Variants in NIPBL observed in about 807,000 individuals in gnomAD.
NIPBL encodes NIPBL cohesin loading factor.
NIPBL carries 19 observed loss-of-function variants against 321.8 expected under a neutral mutation model. That is an observed-to-expected ratio of 0.06 (90% CI 0.04 to 0.09). The LOEUF is 0.09. NIPBL is among the 10% of genes least tolerant of loss of function. NIPBL has a pLI of 1.00. For missense variants in NIPBL, 2,210 were observed against 3,327.0 expected (o/e 0.66, Z 8.26); for synonymous variants, 1,106 against 1,114.1 (o/e 0.99, Z 0.14).
At chr5:36,976,710 T>A (rs1183624510) in intron 9 of NIPBL, among the ~76,000 whole-genome samples, 1 of 152,150 alleles carries the variant, frequency 6.6e-6, no homozygotes, top group Non-Finnish European at 1.5e-5. Flanking sequence ...ATAACATGTA[T>A]ATTTCACAAG....
intron 1 of NIPBL, among the ~76,000 whole-genome samples, chr5:36,934,970 C>T (rs1273582765): frequency 6.6e-6 from 1 of 152,072 alleles, no homozygotes; most frequent in Non-Finnish European, 1.5e-5. Context: ...TTGAATGTTG[C>T]AATACTGTTT....
At chr5:37,022,439 A>T in intron 29 of NIPBL, 49 bp downstream of exon 29, 1 of 1,526,186 alleles carries the variant, frequency 6.6e-7, no homozygotes, top group South Asian at 1.2e-5. Context: ...TTTGCCTTTC[A>T]AGCATCATGT....
intron 1 of NIPBL, among the ~76,000 whole-genome samples, chr5:36,901,482 G>C (rs1017183674): frequency 1.4e-5 from 2 of 144,058 alleles, no homozygotes; most frequent in Non-Finnish European, 3.0e-5. Context: ...TTGCTGGGTT[G>C]CATGGTCCTT....
At chr5:37,012,571 A>G (rs1440787312) in intron 21 of NIPBL, among the ~76,000 whole-genome samples, 4 of 151,784 alleles carry the variant, frequency 2.6e-5, no homozygotes, top group Admixed American at 6.6e-5. Context: ...CAAGTGAACA[A>G]AGGTCTCTGG....
chr5:36,891,072 T>C (rs1746295084), intron 1 of NIPBL, among the ~76,000 whole-genome samples: 1 of 152,226 alleles, frequency 6.6e-6, no homozygotes, highest in East Asian at 1.9e-4. Context: ...GAGACCATCC[T>C]AGCTAACACA....
chr5:37,020,858 T>C lies in NIPBL; in HGVS notation c.5309T>C (p.Phe1770Ser). 1 of 1,612,616 alleles carries C rather than the reference T, an allele frequency of 6.2e-7. No individual in the cohort carries two copies. Among genetic ancestry groups the C allele is most frequent in the Non-Finnish European group, 8.5e-7 (1 of 1,178,584 alleles). Residue 1770 changes from phenylalanine (F) to serine (S), a missense_variant, in exon 27 of 47, where the codon TTT becomes TCT. Around this residue, in one of 14 missense-constraint regions of NIPBL, gnomAD observed 138 missense variants for 175.8 expected, o/e 0.79. Transcript: ENST00000282516. ...TCCATGAGGCCGTTTGCCCAGAGCT[T>C]TGATATTTATTTGACACAGGTAAAC... Reference protein sequence around the residue: ...LASMRPFAQSFDIYLTQILRV... With the variant: ...LASMRPFAQSSDIYLTQILRV...
At chr5:36,943,913 A>G (rs898781211) in intron 1 of NIPBL, among the ~76,000 whole-genome samples, 2 of 152,146 alleles carry the variant, frequency 1.3e-5, no homozygotes, top group Admixed American at 6.5e-5. Context: ...AGGCTTGCCC[A>G]CTGAATCTAG....
intron 1 of NIPBL, 78 bp from the exon 2 acceptor site, chr5:36,953,540 T>A (rs1561072253): frequency 4.5e-6 from 3 of 673,168 alleles, no homozygotes; most frequent in Non-Finnish European, 2.6e-6. Flanking sequence ...AACTTTTTTT[T>A]ATAGTGATTA....
intron 33 of NIPBL, 48 bp from the exon 34 acceptor site, chr5:37,038,554 A>G (rs780464254): frequency 6.4e-7 from 1 of 1,571,366 alleles, no homozygotes. Flanking sequence ...TATAGTTTCC[A>G]CTACCTTGTC....
At chr5:37,024,413 A>G (rs796384478) in intron 29 of NIPBL, among the ~76,000 whole-genome samples, 172 bp from the exon 30 acceptor site, 2 of 151,672 alleles carry the variant, frequency 1.3e-5, no homozygotes, top group African/African-American at 4.8e-5. Flanking sequence ...TAAAGACAAC[A>G]TAAAAAAATA....
At chr5:37,002,581 T>G in intron 14 of NIPBL, 81 bp from the exon 15 acceptor site, 1 of 964,352 alleles carries the variant, frequency 1.0e-6, no homozygotes, top group Non-Finnish European at 1.7e-6. Flanking sequence ...TCTAAAAATT[T>G]TATTAGAAAG....
At chr5:37,052,223 C>T in intron 41 of NIPBL, 143 bp from the exon 42 acceptor site, 2 of 702,250 alleles carry the variant, frequency 2.8e-6, no homozygotes, top group South Asian at 3.6e-5. Context: ...TCTAATGTTC[C>T]TTCTAGCACT....
At chr5:36,928,407 T>C (rs548299243) in intron 1 of NIPBL, among the ~76,000 whole-genome samples, 1 of 152,290 alleles carries the variant, frequency 6.6e-6, no homozygotes, top group Non-Finnish European at 1.5e-5. Context: ...TCCCAGAAAT[T>C]GTTAGTACTG....
At chr5:37,042,406 G>A (rs149268923) in intron 34 of NIPBL, among the ~76,000 whole-genome samples, 2 of 152,102 alleles carry the variant, frequency 1.3e-5, no homozygotes, top group African/African-American at 4.8e-5. Flanking sequence ...CTGCACTTCC[G>A]CCTGGGTGAC....
intron 6 of NIPBL, 53 bp from the exon 7 acceptor site, chr5:36,970,823 C>T (rs1387766301): frequency 4.8e-6 from 7 of 1,451,084 alleles, no homozygotes; most frequent in Middle Eastern, 1.8e-4. Flanking sequence ...TACTATTCTC[C>T]AAGAATGTTA....
chr5:37,036,442 G>A lies in NIPBL; in HGVS notation c.5926G>A (p.Asp1976Asn). Reference protein sequence around the residue: ...PVKKACTQLVDNLVEHILKYE... With the variant: ...PVKKACTQLVNNLVEHILKYE... The stretch of plus-strand genomic sequence containing the variant: ...GAAGAAAGCTTGTACTCAACTTGTT[G>A]ATAACCTAGTTGAGCACATTCTTAA... Residue 1976 changes from aspartate (D) to asparagine (N), a missense_variant, in exon 33 of 47, where the codon GAT becomes AAT. Physicochemically the swap from Asp to Asn is conservative, Grantham distance 23 (BLOSUM62 1). Transcript: ENST00000282516. 1 of 1,469,216 alleles carries A rather than the reference G, an allele frequency of 6.8e-7. No homozygotes were observed. The highest frequency in any genetic ancestry group is 9.1e-7 in the Non-Finnish European group (1 of 1,102,498). 91.0% of individuals were successfully genotyped at this position (1,469,216 alleles called of 1,614,324 possible). A position where few individuals can be genotyped will look rare whatever the true frequency, so the allele number is the denominator to read the frequency against.
intron 1 of NIPBL, among the ~76,000 whole-genome samples, chr5:36,903,885 T>A (rs979907013): frequency 5.3e-5 from 8 of 152,118 alleles, no homozygotes; most frequent in Non-Finnish European, 1.2e-4. Context: ...AAGAACCTAA[T>A]CAGTGAAAGA....
Position 37,065,347 on chromosome 5 carries a change from A to C in NIPBL, c.*455A>C, listed in dbSNP as rs555727011. 1 of 181,050 alleles carries C rather than the reference A, an allele frequency of 5.5e-6. No homozygotes were observed. The highest frequency in any genetic ancestry group is 1.2e-5 in the Non-Finnish European group (1 of 85,988). The allele number at this position is 181,050 out of a possible 1,614,324, so 11.2% of individuals were successfully genotyped here. On this transcript the variant is annotated 3_prime_UTR_variant, in exon 47 of 47. Transcript: ENST00000282516. ...TATATAATTTATTCTGTTGAAAAAA[A>C]AAAAAGCATGCAGTATCTATGACCT...
At chr5:37,003,788 T>C (rs966381231) in intron 16 of NIPBL, among the ~76,000 whole-genome samples, 1 of 152,320 alleles carries the variant, frequency 6.6e-6, no homozygotes, top group Admixed American at 6.5e-5. Context: ...ACTTCACTTT[T>C]AGTAATTCAG....
Sources: allele counts gnomAD v4.1 joint callset (sites outside exome capture counted in the v4.1 genomes callset), GRCh38; gene constraint gnomAD v4.1.1; regional missense constraint gnomAD v4.1.1; transcripts MANE v1.5; gene names NCBI Gene and HGNC (gene_info 2026-07-23, HGNC 2026-07-21).